TMIGD3: variants seen among roughly 807,000 people sequenced by gnomAD.
TMIGD3 encodes the protein AD026 protein (AD026).
TMIGD3 carries 21 observed loss-of-function variants against 28.1 expected under a neutral mutation model. The ratio of observed to expected loss-of-function variants is 0.75; its 90% CI spans 0.53 to 1.08. The LOEUF is 1.08. TMIGD3 is among the 50% of genes least tolerant of loss of function. The probability of loss-of-function intolerance (pLI) is 0.00; values close to 1 mark genes in which losing one functional copy is unlikely to be tolerated. For synonymous variants in TMIGD3, 151 were observed against 162.1 expected (o/e 0.93, Z 0.52); for missense variants, 416 against 435.6 (o/e 0.96, Z 0.40).
At chr1:111,505,647 T>G (rs1021130074), upstream of TMIGD3, among the ~76,000 whole-genome samples, 92 of 152,246 alleles carry the variant, frequency 6.0e-4, no homozygotes, top group South Asian at 6.2e-4. Context: ...GAAGGTCACT[T>G]CATTTGCCCA....
At chr1:111,500,943 C>T (rs922010979) in intron 1 of TMIGD3, 4 of 285,732 alleles carry the variant, frequency 1.4e-5, no homozygotes, top group Non-Finnish European at 2.6e-5. Context: ...AACTCAAAAA[C>T]ATCCACAGGT....
At chr1:111,483,781 A>T in intron 5 of TMIGD3, 24 bp from the exon 6 acceptor site, 3 of 1,602,162 alleles carry the variant, frequency 1.9e-6, no homozygotes, top group Non-Finnish European at 2.6e-6. Context: ...TAGAAAGGGA[A>T]AATGGAGTTG....
chr1:111,493,240 T>G (rs927826898), intron 1 of TMIGD3, among the ~76,000 whole-genome samples: 2 of 152,068 alleles, frequency 1.3e-5, no homozygotes, highest in African/African-American at 4.8e-5. Context: ...ATGTTGGAGG[T>G]GGGGTCTCGT....
At chr1:111,529,480 A>G (rs1656377654) in intron 1 of TMIGD3, among the ~76,000 whole-genome samples, 1 of 149,588 alleles carries the variant, frequency 6.7e-6, no homozygotes, top group South Asian at 2.2e-4. Flanking sequence ...CAAGTGAACA[A>G]AGGTCTCTGG....
chr1:111,495,897 T>C (rs1654865869), intron 1 of TMIGD3, among the ~76,000 whole-genome samples: 1 of 152,156 alleles, frequency 6.6e-6, no homozygotes, highest in Admixed American at 6.5e-5. Context: ...AGTAAACTAA[T>C]GCAGTAACAA....
intron 1 of TMIGD3, among the ~76,000 whole-genome samples, chr1:111,544,299 A>G (rs1656957217): frequency 6.6e-6 from 1 of 152,214 alleles, no homozygotes; most frequent in African/African-American, 2.4e-5. Flanking sequence ...AATTTTTAGT[A>G]TATTCACAAT....
chr1:111,560,680 C>T (rs1389987931), intron 1 of TMIGD3, among the ~76,000 whole-genome samples: 1 of 151,958 alleles, frequency 6.6e-6, no homozygotes, highest in East Asian at 1.9e-4. Context: ...GTTGGAGAGA[C>T]AGGGACCCAC....
chr1:111,497,997 ACACCCAAAGCCCT>A (rs1654972373), intron 1 of TMIGD3, among the ~76,000 whole-genome samples: 1 of 152,176 alleles, frequency 6.6e-6, no homozygotes, highest in South Asian at 2.1e-4. Flanking sequence ...TGTGCCTGAG[ACACCCAAAGCCCT>A]AGAATAAACC....
chr1:111,499,615 G>C lies in TMIGD3; in HGVS notation c.350+3390C>G, dbSNP rs956427964. 10 of 1,107,324 alleles carry C rather than the reference G, an allele frequency of 9.0e-6. No homozygotes were observed. The East Asian group carries it at 1.9e-4, about 21-fold the overall frequency. 68.6% of individuals were successfully genotyped at this position (1,107,324 alleles called of 1,614,324 possible). A position where few individuals can be genotyped will look rare whatever the true frequency, so the allele number is the denominator to read the frequency against. On this transcript the variant is annotated intron_variant, in intron 1 of 5. Coordinates refer to ENST00000369716, the MANE Select transcript of TMIGD3 (RefSeq NM_020683.7). ...ACCACACACATGTTCAGCCCAACTG[G>C]AGCCTTTTGTCAGTAAGTCAACTAG...
chr1:111,532,918 C>A (rs34309908), intron 1 of TMIGD3, among the ~76,000 whole-genome samples: 6 of 152,188 alleles, frequency 3.9e-5, no homozygotes, highest in Non-Finnish European at 7.3e-5. Flanking sequence ...TCACAGAAGC[C>A]TGAGGTGTCC....
chr1:111,536,561 G>A (rs1229597938), intron 1 of TMIGD3, among the ~76,000 whole-genome samples: 1 of 152,282 alleles, frequency 6.6e-6, no homozygotes, highest in East Asian at 1.9e-4. Flanking sequence ...GAGTTTACCA[G>A]GACTGAGTTA....
chr1:111,558,572 T>C (rs749187649), intron 1 of TMIGD3, among the ~76,000 whole-genome samples: 3 of 152,204 alleles, frequency 2.0e-5, no homozygotes, highest in Non-Finnish European at 4.4e-5. Context: ...AAAGAAAGGT[T>C]GAAACTTAAA....
At chr1:111,513,257 T>C (rs1459525226) in intron 1 of TMIGD3, among the ~76,000 whole-genome samples, 2 of 152,198 alleles carry the variant, frequency 1.3e-5, no homozygotes, top group Admixed American at 1.3e-4. Flanking sequence ...CACTACTCAC[T>C]GCTATAAAGG....
chr1:111,488,553 G>C (rs912345698), intron 3 of TMIGD3, 124 bp downstream of exon 3: 22 of 815,140 alleles, frequency 2.7e-5, no homozygotes, highest in Admixed American at 1.4e-4. Context: ...AGAGAGGCCA[G>C]GCAGGCCCAA....
At chr1:111,507,029 GTGTGTGTGTGTATATATATATA>G (rs1341864299), upstream of TMIGD3, among the ~76,000 whole-genome samples, 6 of 36,378 alleles carry the variant, frequency 1.6e-4, no homozygotes, top group African/African-American at 3.5e-4. Flanking sequence ...GTGTGTGTGT[GTGTGTGTGTGTATATATATATA>G]TATATATATG....
At chr1:111,502,875 A>C in intron 1 of TMIGD3, 130 bp downstream of exon 1, 9 of 1,161,188 alleles carry the variant, frequency 7.8e-6, no homozygotes, top group Non-Finnish European at 1.1e-5. Flanking sequence ...TCACAAAAAG[A>C]CACTTATTGC....
At position 111,485,634 on chromosome 1, in the gene TMIGD3, C is replaced by T. The variant is rs1571395410; in HGVS notation, c.973+106G>A. ...CTGGCTGCATTGGTCTCCAGGTGACCAGGCAATATGAAGAGGCTCTCATTC... is the reference window on the plus strand; with the variant it reads ...CTGGCTGCATTGGTCTCCAGGTGACTAGGCAATATGAAGAGGCTCTCATTC... On this transcript the variant is annotated intron_variant, in intron 5 of 5. Transcript: ENST00000369716. The T allele has an allele frequency of 1.3e-5, 11 of 870,006 alleles. No homozygotes were observed. In the East Asian group the frequency reaches 2.1e-4, roughly 17 times the overall value. The allele number at this position is 870,006 out of a possible 1,614,324, so 53.9% of individuals were successfully genotyped here.
At chr1:111,512,729 T>G (rs1655731609) in intron 1 of TMIGD3, among the ~76,000 whole-genome samples, 1 of 152,152 alleles carries the variant, frequency 6.6e-6, no homozygotes, top group Non-Finnish European at 1.5e-5. Flanking sequence ...GAGGTTGAAT[T>G]AAAGGAAAGT....
At chr1:111,508,071 G>A (rs751973719), upstream of TMIGD3, among the ~76,000 whole-genome samples, 7 of 152,238 alleles carry the variant, frequency 4.6e-5, no homozygotes, top group Non-Finnish European at 8.8e-5. Flanking sequence ...CTCCATGCCA[G>A]TGTTGGTGGG....
Sources: gnomAD v4.1 joint callset for allele counts (sites outside exome capture counted in the v4.1 genomes callset) on GRCh38, gnomAD v4.1.1 for gene constraint, MANE v1.5 for transcripts, NCBI Gene and HGNC (gene_info 2026-07-23, HGNC 2026-07-21) for gene names.